The following MYO1B variants were observed in gnomAD, a reference collection of about 807,000 sequenced individuals.
MYO1B encodes the protein unconventional myosin-Ib.
MYO1B carries 72 observed loss-of-function variants against 159.7 expected under a neutral mutation model. The observed-to-expected ratio is 0.45, with a 90% CI of 0.37 to 0.55. The LOEUF is 0.55. MYO1B is among the 20% of genes least tolerant of loss of function. The pLI, the probability that MYO1B is intolerant of heterozygous loss-of-function variation, is 0.00. For missense variants in MYO1B, 1,062 were observed against 1,364.8 expected (o/e 0.78, Z 3.50); for synonymous variants, 468 against 473.8 (o/e 0.99, Z 0.16).
intron 2 of MYO1B, among the ~76,000 whole-genome samples, chr2:191,285,064 A>C (rs914107471): frequency 6.6e-6 from 1 of 152,140 alleles, no homozygotes; most frequent in African/African-American, 2.4e-5. Flanking sequence ...TTACATTACT[A>C]CTTTCAATTA....
chr2:191,306,735 C>T lies in MYO1B; in HGVS notation c.251+10509C>T, dbSNP rs1689671907. ...GGGGGATCAGAGCCCAGTCACAATT[C>T]CTGGCTGGGATGGAGAGGTTCAGAG... On this transcript the variant is annotated intron_variant, in intron 3 of 30. Transcript: ENST00000392318. Among the ~76,000 whole-genome samples, 2 of 152,062 alleles carry T rather than the reference C, an allele frequency of 1.3e-5. 1 individual carries two copies. The highest frequency in any genetic ancestry group is 2.9e-5 in the Non-Finnish European group (2 of 68,000).
chr2:191,271,391 A>AGGCT (rs1379502797), intron 1 of MYO1B, among the ~76,000 whole-genome samples: 4 of 152,218 alleles, frequency 2.6e-5, no homozygotes, highest in Non-Finnish European at 5.9e-5. Flanking sequence ...AAGTTCCTTT[A>AGGCT]GGCTGGGTGC....
intron 9 of MYO1B, 121 bp downstream of exon 9, chr2:191,362,492 A>T (rs1366554147): frequency 5.0e-6 from 3 of 600,672 alleles, no homozygotes; most frequent in Non-Finnish European, 8.2e-6. Context: ...TTTTAGAATT[A>T]TACAAGAATT....
chr2:191,362,194 A>G (rs1693712470), intron 8 of MYO1B, 74 bp from the exon 9 acceptor site: 5 of 1,141,094 alleles, frequency 4.4e-6, no homozygotes, highest in East Asian at 4.9e-5. Context: ...TGTGAACAAG[A>G]TATCAAAGGG....
chr2:191,320,261 A>G (rs1469370011), intron 3 of MYO1B, among the ~76,000 whole-genome samples: 2 of 152,074 alleles, frequency 1.3e-5, no homozygotes, highest in Non-Finnish European at 2.9e-5. Flanking sequence ...TGAGCTCCTG[A>G]GGGTAGGGAC....
chr2:191,417,574 G>A (rs1348104365), intron 30 of MYO1B, among the ~76,000 whole-genome samples: 1 of 152,150 alleles, frequency 6.6e-6, no homozygotes, highest in Non-Finnish European at 1.5e-5. Flanking sequence ...CAGTCTCATA[G>A]TTGTCCCACT....
chr2:191,404,720 G>A (rs1012275284), intron 24 of MYO1B, among the ~76,000 whole-genome samples: 9 of 152,308 alleles, frequency 5.9e-5, no homozygotes, highest in Non-Finnish European at 1.2e-4. Context: ...TGTCTCTACT[G>A]TAGTCTATTA....
chr2:191,350,725 A>G (rs1311302274), intron 7 of MYO1B, among the ~76,000 whole-genome samples: 2 of 152,038 alleles, frequency 1.3e-5, no homozygotes, highest in African/African-American at 2.4e-5. Context: ...AATGTGATAC[A>G]CTTGTTAGGT....
chr2:191,261,487 A>C (rs1686808056), intron 1 of MYO1B, among the ~76,000 whole-genome samples: 1 of 152,222 alleles, frequency 6.6e-6, no homozygotes, highest in South Asian at 2.1e-4. Context: ...GCAGTAACCC[A>C]TGTTCACACT....
At chr2:191,374,673 T>C (rs7608396) in intron 13 of MYO1B, among the ~76,000 whole-genome samples, 23,151 of 152,056 alleles carry the variant, frequency 0.15, 4,575 homozygotes, top group African/African-American at 0.46. Flanking sequence ...GTTTGGAAAA[T>C]AGATCAGTAG....
At chr2:191,381,371 C>T (rs1211590370) in intron 13 of MYO1B, 91 bp from the exon 14 acceptor site, 1 of 907,916 alleles carries the variant, frequency 1.1e-6, no homozygotes, top group Admixed American at 1.8e-5. Flanking sequence ...TCATGTGTGG[C>T]ATTTCTCATG....
intron 3 of MYO1B, among the ~76,000 whole-genome samples, chr2:191,319,533 C>CT (rs1482558002): frequency 4.6e-5 from 7 of 152,132 alleles, no homozygotes; most frequent in Admixed American, 3.3e-4. Context: ...ATTTGAAAGT[C>CT]TAGAGGAAGG....
chr2:191,266,892 GA>G (rs987981426), intron 1 of MYO1B, among the ~76,000 whole-genome samples: 1 of 152,168 alleles, frequency 6.6e-6, no homozygotes, highest in Non-Finnish European at 1.5e-5. Context: ...ACACAGTTGG[GA>G]AAAAACTTTT....
intron 30 of MYO1B, among the ~76,000 whole-genome samples, chr2:191,418,892 A>G (rs939406207): frequency 1.3e-5 from 2 of 152,248 alleles, no homozygotes; most frequent in East Asian, 1.9e-4. Flanking sequence ...AAGCTGTTCA[A>G]TGTGTAACTA....
At chr2:191,361,994 T>C (rs1389505982) in intron 8 of MYO1B, among the ~76,000 whole-genome samples, 1 of 152,198 alleles carries the variant, frequency 6.6e-6, no homozygotes, top group African/African-American at 2.4e-5. Context: ...TCATATGTTA[T>C]AATGAAATAA....
At chr2:191,276,668 G>A (rs57304287) in intron 1 of MYO1B, among the ~76,000 whole-genome samples, 2,190 of 152,230 alleles carry the variant, frequency 0.014, 52 homozygotes, top group African/African-American at 0.05. Flanking sequence ...AGGATGGACT[G>A]GGAAGGAGGT....
Position 191,320,847 on chromosome 2 carries a change from A to G in MYO1B, c.252-9088A>G, listed in dbSNP as rs116492609. 6.3e-3 allele frequency among the ~76,000 whole-genome samples: 804 copies of G among 126,696 alleles called. 4 individuals are homozygous for G. Among genetic ancestry groups the G allele is most frequent in the African/African-American group, 0.039 (758 of 19,610 alleles). 83.1% of individuals were successfully genotyped at this position (126,696 alleles called of 152,430 possible). On this transcript the variant is annotated intron_variant, in intron 3 of 30. Coordinates refer to ENST00000392318, the MANE Select transcript of MYO1B (RefSeq NM_001130158.3). ...CCCATTTTCTCTCCTTTATGCATTA[A>G]AAAAAAAAATCAGACAGTATGTACT...
intron 13 of MYO1B, chr2:191,381,148 CTTTGCTGATCCTTCAGCA>C (rs1462826813): frequency 7.9e-6 from 3 of 378,600 alleles, no homozygotes; most frequent in African/African-American, 2.1e-5. Context: ...CTCACTGTGT[CTTTGCTGATCCTTCAGCA>C]AAGGAAGTGA....
intron 25 of MYO1B, 45 bp from the exon 26 acceptor site, chr2:191,408,999 G>T (rs373017113): frequency 9.1e-5 from 143 of 1,567,892 alleles, no homozygotes; most frequent in Non-Finnish European, 1.2e-4. Flanking sequence ...AGTGTCTTTT[G>T]TGGTATATTT....
Sources: gnomAD v4.1 joint callset for allele counts (sites outside exome capture counted in the v4.1 genomes callset) on GRCh38, gnomAD v4.1.1 for gene constraint, MANE v1.5 for transcripts, NCBI Gene and HGNC (gene_info 2026-07-23, HGNC 2026-07-21) for gene names.